DENND5A: variants seen among roughly 807,000 people sequenced by gnomAD.
DENND5A encodes DENN domain containing 5A.
In DENND5A, 64 loss-of-function variants were observed where a neutral mutation model predicts 140.3. That is an observed-to-expected ratio of 0.46 (90% CI 0.37 to 0.56). DENND5A has a LOEUF of 0.56. Among genes scored for constraint, DENND5A ranks in the 20% least tolerant of loss-of-function variants. The probability of loss-of-function intolerance (pLI) is 0.00; values close to 1 mark genes in which losing one functional copy is unlikely to be tolerated. For missense variants in DENND5A, 1,292 were observed against 1,593.8 expected (o/e 0.81, Z 3.22); for synonymous variants, 605 against 607.7 (o/e 1.00, Z 0.07).
intron 4 of DENND5A, among the ~76,000 whole-genome samples, chr11:9,198,286 C>A (rs761020945): frequency 3.4e-4 from 51 of 150,844 alleles, no homozygotes; most frequent in Non-Finnish European, 6.6e-4. Flanking sequence ...TGTTCTTTTG[C>A]AAGGTTCTTT....
At chr11:9,192,637 A>C (rs11042216) in intron 5 of DENND5A, among the ~76,000 whole-genome samples, 12 of 107,414 alleles carry the variant, frequency 1.1e-4, no homozygotes, top group Non-Finnish European at 7.0e-5. Flanking sequence ...CAAAAAAAAA[A>C]CAAAAAAAAA....
intron 1 of DENND5A, among the ~76,000 whole-genome samples, chr11:9,251,359 A>C (rs1256860483): frequency 6.6e-6 from 1 of 152,148 alleles, no homozygotes; most frequent in African/African-American, 2.4e-5. Context: ...ATGAACAATA[A>C]AAAATAAAAA....
At chr11:9,235,028 T>C (rs1276296621) in intron 1 of DENND5A, among the ~76,000 whole-genome samples, 1 of 152,120 alleles carries the variant, frequency 6.6e-6, no homozygotes, top group African/African-American at 2.4e-5. Context: ...ACCTGAAACA[T>C]TGCTAGTGAG....
chr11:9,230,130 C>T (rs1590308522), intron 1 of DENND5A, among the ~76,000 whole-genome samples: 3 of 150,594 alleles, frequency 2.0e-5, no homozygotes, highest in East Asian at 2.0e-4. Flanking sequence ...AGGATGGTCT[C>T]GATCTCCTGA....
Position 9,264,976 on chromosome 11 carries a change from G to A in DENND5A, c.94C>T (p.Pro32Ser), listed in dbSNP as rs773629700. The change falls in exon 1 of 23, where the codon CCG (proline) becomes TCG (serine). Residue 32 changes from proline to serine, a missense_variant. Physicochemically the swap from Pro to Ser is moderately conservative, Grantham distance 74. This residue lies in a region of DENND5A where 566 missense variants were observed against 650.4 expected (regional missense o/e 0.87). Transcript: ENST00000328194. ...GCGCACTCACCCGACAGCTCGTCCG[G>A]CTCCAGCCCGGTCTCCGTGTCCAGT... ...CGLDTETGLE[P>S]DELSALCQYI... 2 of 1,585,024 alleles carry A rather than the reference G, an allele frequency of 1.3e-6. No individual in the cohort carries two copies. The highest frequency in any genetic ancestry group is 2.3e-5 in the South Asian group (2 of 87,698).
intron 1 of DENND5A, among the ~76,000 whole-genome samples, chr11:9,213,071 T>G (rs942948917): frequency 6.6e-5 from 10 of 151,150 alleles, no homozygotes; most frequent in African/African-American, 2.4e-4. Flanking sequence ...TGGTACAATC[T>G]TGACTCACTG....
chr11:9,258,061 G>A (rs1852028773), intron 1 of DENND5A, among the ~76,000 whole-genome samples: 1 of 152,148 alleles, frequency 6.6e-6, no homozygotes, highest in African/African-American at 2.4e-5. Flanking sequence ...CCAAAGTGCT[G>A]GGATTACAAG....
At chr11:9,184,060 A>C (rs947454055) in intron 5 of DENND5A, among the ~76,000 whole-genome samples, 2 of 151,896 alleles carry the variant, frequency 1.3e-5, no homozygotes, top group African/African-American at 4.8e-5. Context: ...TCAAAAAAAA[A>C]AAGACATTTG....
intron 1 of DENND5A, among the ~76,000 whole-genome samples, chr11:9,221,546 A>T (rs1457757475): frequency 6.6e-6 from 1 of 151,898 alleles, no homozygotes; most frequent in Non-Finnish European, 1.5e-5. Context: ...TTGTATTTTT[A>T]GTAGAGATGG....
At chr11:9,150,352 C>G in intron 14 of DENND5A, 143 bp from the exon 15 acceptor site, 1 of 1,075,194 alleles carries the variant, frequency 9.3e-7, no homozygotes, top group East Asian at 2.4e-5. Flanking sequence ...TCTCCAAATA[C>G]TGGGCTTCCA....
In DENND5A at chr11:9,222,011, C is replaced by A. The variant is rs1314826588; in HGVS notation, c.110-14379G>T. Among the ~76,000 whole-genome samples, 5 of 152,188 alleles carry A rather than the reference C, an allele frequency of 3.3e-5. No individual in the cohort carries two copies. In the East Asian group the frequency reaches 7.7e-4, roughly 24 times the overall value. On this transcript the variant is annotated intron_variant, in intron 1 of 22. Coordinates refer to ENST00000328194, the MANE Select transcript of DENND5A (RefSeq NM_015213.4). ...TGACCTCATGATCCGCCCACCTTGG[C>A]CTCCCAAAGTGCTGGGATTACAGGC...
chr11:9,150,822 CCCT>C, intron 13 of DENND5A, 58 bp from the exon 14 acceptor site: 3 of 1,118,078 alleles, frequency 2.7e-6, no homozygotes, highest in Non-Finnish European at 4.0e-6. Flanking sequence ...TAGCTGACTG[CCCT>C]TCCCTTACCT....
rs190631274 is a variant in DENND5A, at chr11:9,142,849, C to G, written c.3388-4G>C. 5.5e-5 allele frequency: 88 copies of G among 1,613,822 alleles called. 2 individuals carry two copies. In the South Asian group the frequency reaches 9.3e-4, roughly 17 times the overall value. On this transcript the variant is annotated splice_polypyrimidine_tract_variant and splice_region_variant and intron_variant, in intron 20 of 22. Transcript: ENST00000328194. ...GCAACAGCGTCAGACTGCCTCGCTA[C>G]GTAAGGAAACAGGGGAGGGTGCCAG...
At chr11:9,234,823 T>C (rs1850933363) in intron 1 of DENND5A, among the ~76,000 whole-genome samples, 1 of 152,206 alleles carries the variant, frequency 6.6e-6, no homozygotes, top group Non-Finnish European at 1.5e-5. Context: ...AGTTAATCTA[T>C]AACCTACAGA....
At chr11:9,172,220 A>G (rs1328567790) in intron 8 of DENND5A, 1 of 152,240 alleles carries the variant, frequency 6.6e-6, no homozygotes, top group South Asian at 2.1e-4. Flanking sequence ...TGACGTAAAC[A>G]AAAAATCCAC....
chr11:9,214,077 A>G (rs1365132903), intron 1 of DENND5A, among the ~76,000 whole-genome samples: 1 of 152,222 alleles, frequency 6.6e-6, no homozygotes, highest in Non-Finnish European at 1.5e-5. Flanking sequence ...ACGGTCATCA[A>G]CTGAGTGTCG....
At position 9,160,753 on chromosome 11, in the gene DENND5A, A is replaced by C; in HGVS notation, c.2396T>G (p.Leu799Arg). ...ENTLIASLCD[L>R]LERIWSHGLQ... ...TCCATGACTCCAGATCCTTTCCAGG[A>C]GATCACAAAGGCTGGCAATCAGGGT... Residue 799 changes from leucine to arginine, a missense_variant, in exon 12 of 23, where the codon CTC becomes CGC. Physicochemically the swap from Leu to Arg is moderately radical, Grantham distance 102. Coordinates refer to ENST00000328194, the MANE Select transcript of DENND5A (RefSeq NM_015213.4). 6.2e-7 allele frequency: 1 copy of C among 1,613,752 alleles called. No individual in the cohort carries two copies. Among genetic ancestry groups the C allele is most frequent in the Non-Finnish European group, 8.5e-7 (1 of 1,179,702 alleles).
chr11:9,265,132 C>CCCGCCCGT lies in DENND5A; in HGVS notation c.-71_-64dup. On this transcript the variant is annotated 5_prime_UTR_variant, in exon 1 of 23. Transcript: ENST00000328194. The surrounding 1 kb of genome is among the most constrained non-coding windows in gnomAD (Gnocchi z 4.7). Reference sequence around the variant, plus strand: ...GCACCGAGCCCCCGCAACCCGGGCGCCCGCCCGTCCGCCCTCAGGCCGCCC... The same window carrying CCCGCCCGT: ...GCACCGAGCCCCCGCAACCCGGGCGCCCGCCCGTCCGCCCGTCCGCCCTCAGGCCGCCC... 1 of 1,010,360 alleles carries CCCGCCCGT rather than the reference C, an allele frequency of 9.9e-7. No homozygotes were observed. The highest frequency in any genetic ancestry group is 4.6e-5 in the South Asian group (1 of 21,734). The allele number at this position is 1,010,360 out of a possible 1,614,324, so 62.6% of individuals were successfully genotyped here. A position where few individuals can be genotyped will look rare whatever the true frequency, so the allele number is the denominator to read the frequency against.
intron 1 of DENND5A, among the ~76,000 whole-genome samples, chr11:9,228,208 G>A (rs1443075878): frequency 6.6e-6 from 1 of 151,650 alleles, no homozygotes; most frequent in Admixed American, 6.6e-5. Flanking sequence ...TGAGCACAGC[G>A]TTTGTATGCT....
Sources: allele counts gnomAD v4.1 joint callset (sites outside exome capture counted in the v4.1 genomes callset), GRCh38; gene constraint gnomAD v4.1.1; regional missense constraint gnomAD v4.1.1; non-coding constraint Gnocchi (gnomAD v3.1); transcripts MANE v1.5; gene names NCBI Gene and HGNC (gene_info 2026-07-23, HGNC 2026-07-21).